XRCC5: variants seen among roughly 807,000 people sequenced by gnomAD.
XRCC5 encodes DNA repair protein Ku80.
Under a neutral mutation model 95.7 loss-of-function variants are expected in XRCC5, and 12 were observed. The observed-to-expected ratio is 0.13, with a 90% CI of 0.08 to 0.20. The LOEUF is 0.20. XRCC5 is among the 10% of genes least tolerant of loss of function. The pLI is 1.00. For synonymous variants in XRCC5, 281 were observed against 290.3 expected, an observed-to-expected ratio of 0.97 and a Z score of 0.33; for missense variants, 595 against 873.9, an observed-to-expected ratio of 0.68 and a Z score of 4.02.
At chr2:216,193,054 C>CT (rs1231813393) in intron 18 of XRCC5, among the ~76,000 whole-genome samples, 4 of 152,190 alleles carry the variant, frequency 2.6e-5, no homozygotes, top group Non-Finnish European at 5.9e-5. Flanking sequence ...CGAACATTGT[C>CT]CCCTTTCTCA....
intron 1 of XRCC5, 72 bp downstream of exon 1, chr2:216,109,529 T>A: frequency 6.3e-7 from 1 of 1,598,098 alleles, no homozygotes; most frequent in Non-Finnish European, 8.5e-7. Flanking sequence ...GAAGCAGGAA[T>A]CGTGGGATCG....
chr2:216,117,887 T>A (rs987829663), intron 4 of XRCC5, 93 bp downstream of exon 4: 9 of 1,268,170 alleles, frequency 7.1e-6, no homozygotes, highest in Non-Finnish European at 1.0e-5. Context: ...TCATTGTTAA[T>A]CAAGCTGCAT....
chr2:216,173,236 A>G (rs886231185), intron 16 of XRCC5, among the ~76,000 whole-genome samples: 2 of 150,966 alleles, frequency 1.3e-5, no homozygotes, highest in African/African-American at 4.9e-5. Context: ...TAATTATTGT[A>G]CTGGCTGGAA....
chr2:216,129,259 A>G (rs371057192), intron 8 of XRCC5, among the ~76,000 whole-genome samples: 45 of 152,318 alleles, frequency 3.0e-4, no homozygotes, highest in African/African-American at 1.1e-3. Flanking sequence ...CTTGGGTTCA[A>G]AGAGCGTAGA....
chr2:216,176,398 C>T (rs1689277592), intron 16 of XRCC5, among the ~76,000 whole-genome samples: 1 of 152,174 alleles, frequency 6.6e-6, no homozygotes, highest in Admixed American at 6.5e-5. Flanking sequence ...GGATTACAGG[C>T]GTGAGCCACT....
At chr2:216,204,290 T>C (rs371030667) in intron 19 of XRCC5, 32 bp from the exon 20 acceptor site, 13 of 1,612,962 alleles carry the variant, frequency 8.1e-6, no homozygotes, top group African/African-American at 5.3e-5. Flanking sequence ...AAAAATATCA[T>C]TTTGGTATGA....
At chr2:216,156,913 A>C in intron 14 of XRCC5, 1 of 319,908 alleles carries the variant, frequency 3.1e-6, no homozygotes, top group East Asian at 7.9e-5. Context: ...GCTTTTGAAT[A>C]TCTTTTCGCC....
At chr2:216,181,311 C>T (rs1326188443) in intron 16 of XRCC5, among the ~76,000 whole-genome samples, 4 of 152,160 alleles carry the variant, frequency 2.6e-5, no homozygotes, top group Non-Finnish European at 5.9e-5. Context: ...CATTCCTGCC[C>T]ATATGTTTGT....
chr2:216,123,265 A>G (rs1010252916), intron 6 of XRCC5, among the ~76,000 whole-genome samples: 1 of 152,170 alleles, frequency 6.6e-6, no homozygotes, highest in Non-Finnish European at 1.5e-5. Flanking sequence ...ATTTCTGATG[A>G]GCTATAATTG....
In XRCC5 at chr2:216,205,306, A is replaced by C; in HGVS notation, c.*104A>C. On this transcript the variant is annotated 3_prime_UTR_variant, in exon 21 of 21. Transcript: ENST00000392132. ...CCATTCAAGGGGAGCCAAAATCTCA[A>C]GAAATTCCCAGCAGGTTACCTGGAG... 7.1e-7 allele frequency: 1 copy of C among 1,407,998 alleles called. No homozygotes were observed. Among genetic ancestry groups the C allele is most frequent in the Non-Finnish European group, 1.0e-6 (1 of 992,720 alleles). The allele number at this position is 1,407,998 out of a possible 1,614,324, so 87.2% of individuals were successfully genotyped here.
chr2:216,118,930 T>G, intron 4 of XRCC5, 113 bp from the exon 5 acceptor site: 1 of 1,111,668 alleles, frequency 9.0e-7, no homozygotes, highest in Admixed American at 2.1e-5. Context: ...TAATCACATT[T>G]ATTAACTCTA....
intron 16 of XRCC5, chr2:216,175,650 T>C: frequency 7.3e-6 from 3 of 413,772 alleles, no homozygotes; most frequent in South Asian, 5.8e-5. Flanking sequence ...AAAAATGTTC[T>C]TCACTGTTAG....
intron 16 of XRCC5, among the ~76,000 whole-genome samples, chr2:216,167,910 A>T (rs1689085371): frequency 6.6e-6 from 1 of 152,172 alleles, no homozygotes; most frequent in Non-Finnish European, 1.5e-5. Flanking sequence ...GAGAAAATTC[A>T]TGATTAAGGA....
chr2:216,127,024 A>C (rs1696910176), intron 7 of XRCC5, among the ~76,000 whole-genome samples: 1 of 151,886 alleles, frequency 6.6e-6, no homozygotes, highest in South Asian at 2.1e-4. Context: ...GGCTGAGGTG[A>C]GCAGATCACT....
intron 14 of XRCC5, chr2:216,156,608 C>G: frequency 1.8e-6 from 1 of 571,234 alleles, no homozygotes; most frequent in Non-Finnish European, 3.5e-6. Flanking sequence ...AAGACCTGGA[C>G]TTAACTTCTT....
At chr2:216,172,955 C>T (rs990774436) in intron 16 of XRCC5, among the ~76,000 whole-genome samples, 3 of 152,126 alleles carry the variant, frequency 2.0e-5, no homozygotes, top group South Asian at 2.1e-4. Flanking sequence ...ACAAGCTATA[C>T]AGCTCTTTTA....
At chr2:216,170,247 T>C (rs1049355085) in intron 16 of XRCC5, among the ~76,000 whole-genome samples, 19 of 152,112 alleles carry the variant, frequency 1.2e-4, no homozygotes, top group African/African-American at 4.1e-4. Flanking sequence ...TTATGAAATA[T>C]ATGACAGTGT....
intron 19 of XRCC5, among the ~76,000 whole-genome samples, chr2:216,195,345 T>TTTTTCTTTTC (rs10623248): frequency 0.016 from 2,064 of 125,206 alleles, 59 homozygotes; most frequent in East Asian, 0.04. Flanking sequence ...GTTTTTCTTT[T>TTTTTCTTTTC]TTTTCTTTTC....
intron 14 of XRCC5, among the ~76,000 whole-genome samples, chr2:216,154,188 C>T (rs1406771695): frequency 6.6e-6 from 1 of 152,188 alleles, no homozygotes; most frequent in Non-Finnish European, 1.5e-5. Context: ...GCAAGTTGCT[C>T]AGTGTCAAGT....
Sources: gnomAD v4.1 joint callset for allele counts (sites outside exome capture counted in the v4.1 genomes callset) on GRCh38, gnomAD v4.1.1 for gene constraint, MANE v1.5 for transcripts, NCBI Gene and HGNC (gene_info 2026-07-23, HGNC 2026-07-21) for gene names.